ITGB5: variants seen among roughly 807,000 people sequenced by gnomAD.
The protein encoded by ITGB5 is integrin beta-5.
A neutral mutation model predicts 84.8 loss-of-function variants in ITGB5; 38 were observed. The observed-to-expected ratio is 0.45, with a 90% CI of 0.35 to 0.59. The LOEUF (loss-of-function observed/expected upper bound fraction) is 0.59. Among genes scored for constraint, ITGB5 ranks in the 20% least tolerant of loss-of-function variants. ITGB5 has a pLI of 0.01. For synonymous variants in ITGB5, 393 were observed against 414.4 expected (o/e 0.95, Z 0.63); for missense variants, 905 against 1,034.5 (o/e 0.87, Z 1.72).
At chr3:124,861,495 T>TATATATATATATATATACAC (rs750712591) in intron 2 of ITGB5, among the ~76,000 whole-genome samples, 5 of 112,012 alleles carry the variant, frequency 4.5e-5, no homozygotes, top group African/African-American at 1.5e-4. Flanking sequence ...TATATATATA[T>TATATATATATATATATACAC]ACACACACAC....
chr3:124,877,583 G>C (rs1934383545), intron 1 of ITGB5, among the ~76,000 whole-genome samples: 1 of 152,100 alleles, frequency 6.6e-6, no homozygotes, highest in Non-Finnish European at 1.5e-5. Context: ...AGCTAGTCAA[G>C]TTGCCTCTTT....
At chr3:124,856,717 T>C (rs1201066793) in intron 3 of ITGB5, among the ~76,000 whole-genome samples, 2 of 152,232 alleles carry the variant, frequency 1.3e-5, no homozygotes, top group African/African-American at 4.8e-5. Context: ...GAAAATACAC[T>C]ATTCTTATAC....
intron 11 of ITGB5, chr3:124,769,384 C>T (rs1400361999): frequency 5.0e-6 from 2 of 397,068 alleles, no homozygotes; most frequent in Non-Finnish European, 9.1e-6. Context: ...GAGACAAATC[C>T]ATCTGCACTC....
chr3:124,835,819 G>A (rs1423787745), intron 5 of ITGB5, among the ~76,000 whole-genome samples: 3 of 152,246 alleles, frequency 2.0e-5, no homozygotes, highest in Non-Finnish European at 2.9e-5. Context: ...ACTGGGAGCT[G>A]GGAGGGAGCA....
intron 1 of ITGB5, among the ~76,000 whole-genome samples, chr3:124,899,063 G>A (rs1365268652): frequency 6.6e-6 from 1 of 150,594 alleles, no homozygotes; most frequent in African/African-American, 2.4e-5. Context: ...TGATAAGAGT[G>A]AGACTCTGTC....
Position 124,819,757 on chromosome 3 carries a change from G to T in ITGB5, c.1020C>A (p.Asn340Lys). ...AGCATACCTTGTACAGCATATAATG[G>T]TTTTTTGTCACTGCAAAGATGAGGT... ...NINLIFAVTK[N>K]HYMLYKNFTA... Residue 340 changes from asparagine to lysine, a missense_variant, in exon 7 of 15, where the codon AAC becomes AAA. By Grantham distance (94) the Asn-to-Lys change is moderately conservative. Transcript: ENST00000296181. 3 of 1,612,808 alleles carry T rather than the reference G, an allele frequency of 1.9e-6. No homozygotes were observed. Among genetic ancestry groups the T allele is most frequent in the Non-Finnish European group, 2.5e-6 (3 of 1,178,862 alleles).
intron 5 of ITGB5, among the ~76,000 whole-genome samples, chr3:124,823,925 C>T (rs16836070): frequency 0.025 from 3,758 of 152,042 alleles, 178 homozygotes; most frequent in African/African-American, 0.086. Context: ...TATTAAGAAC[C>T]TTAAGGAAAA....
At chr3:124,865,417 C>T (rs563075028) in intron 2 of ITGB5, among the ~76,000 whole-genome samples, 1 of 151,222 alleles carries the variant, frequency 6.6e-6, no homozygotes, top group African/African-American at 2.4e-5. Flanking sequence ...CCTTATCAAA[C>T]TCTCCAAAGG....
intron 5 of ITGB5, among the ~76,000 whole-genome samples, chr3:124,827,409 ATTTCT>A (rs557080668): frequency 3.9e-4 from 60 of 152,346 alleles, no homozygotes; most frequent in African/African-American, 1.4e-3. Context: ...TAATTTTTAC[ATTTCT>A]TCTCTTCTCC....
intron 4 of ITGB5, among the ~76,000 whole-genome samples, chr3:124,847,278 G>C (rs1174461842): frequency 6.6e-6 from 1 of 152,192 alleles, no homozygotes; most frequent in Non-Finnish European, 1.5e-5. Context: ...ACCACTCACT[G>C]CAGTCACTTG....
chr3:124,816,840 A>G lies in ITGB5; in HGVS notation c.1128+781T>C, dbSNP rs188843540. ...TAGGGCCAATTTCACATGATATGTT[A>G]CAATAGCACAGAATTTAATAGCCCC... On this transcript the variant is annotated intron_variant, in intron 8 of 14. Transcript: ENST00000296181. Among the ~76,000 whole-genome samples the G allele has an allele frequency of 4.3e-4, 65 of 152,346 alleles. No homozygotes were observed. The East Asian group carries it at 8.1e-3, about 19-fold the overall frequency.
chr3:124,784,987 G>T (rs796691351), intron 10 of ITGB5, among the ~76,000 whole-genome samples: 43 of 152,340 alleles, frequency 2.8e-4, no homozygotes, highest in African/African-American at 1.0e-3. Flanking sequence ...GGTTTGGAAT[G>T]TCCCATGTGT....
intron 1 of ITGB5, among the ~76,000 whole-genome samples, chr3:124,881,220 G>A (rs1178937545): frequency 6.6e-6 from 1 of 152,060 alleles, no homozygotes; most frequent in African/African-American, 2.4e-5. Flanking sequence ...CTGACCTCAG[G>A]TAATCTGCCT....
intron 2 of ITGB5, among the ~76,000 whole-genome samples, chr3:124,859,991 C>G (rs1190003376): frequency 1.3e-5 from 2 of 152,230 alleles, no homozygotes; most frequent in East Asian, 3.9e-4. Context: ...GCTGAAAAGT[C>G]TTCCCTTGGG....
At chr3:124,900,932 A>G (rs985077666) in intron 1 of ITGB5, among the ~76,000 whole-genome samples, 1 of 152,226 alleles carries the variant, frequency 6.6e-6, no homozygotes, top group African/African-American at 2.4e-5. Context: ...TATAAGAGCA[A>G]TAAAGAGGAC....
At chr3:124,844,516 C>T (rs1053373986) in intron 4 of ITGB5, among the ~76,000 whole-genome samples, 3 of 152,024 alleles carry the variant, frequency 2.0e-5, no homozygotes, top group Non-Finnish European at 2.9e-5. Context: ...GCTGAGATCC[C>T]GCCACTGCAC....
intron 13 of ITGB5, 29 bp downstream of exon 13, chr3:124,766,197 T>G (rs1217285544): frequency 6.2e-7 from 1 of 1,602,886 alleles, no homozygotes; most frequent in African/African-American, 1.3e-5. Flanking sequence ...GCTGGCTGAG[T>G]GGGCCGAGCC....
intron 1 of ITGB5, among the ~76,000 whole-genome samples, chr3:124,881,624 T>C (rs1350702604): frequency 6.6e-6 from 1 of 152,102 alleles, no homozygotes; most frequent in African/African-American, 2.4e-5. Flanking sequence ...AGCTTCCTCA[T>C]GCAAACAACT....
chr3:124,831,521 T>C (rs2064860137), intron 5 of ITGB5, among the ~76,000 whole-genome samples: 1 of 152,156 alleles, frequency 6.6e-6, no homozygotes, highest in Admixed American at 6.5e-5. Flanking sequence ...AGACCACCAA[T>C]TCTTGGGAAT....
Sources: gnomAD v4.1 joint callset for allele counts (sites outside exome capture counted in the v4.1 genomes callset) on GRCh38, gnomAD v4.1.1 for gene constraint, MANE v1.5 for transcripts, NCBI Gene and HGNC (gene_info 2026-07-23, HGNC 2026-07-21) for gene names.